Variants in MAN2A1 observed in about 807,000 individuals in gnomAD.
The protein encoded by MAN2A1 is mannosidase alpha class 2A member 1.
In MAN2A1, 76 loss-of-function variants were observed where a neutral mutation model predicts 142.6. The observed-to-expected ratio is 0.53, with a 90% CI of 0.44 to 0.65. The LOEUF (loss-of-function observed/expected upper bound fraction) is 0.65, where lower values mean the gene tolerates loss of function less well. MAN2A1 is among the 30% of genes least tolerant of loss of function. The pLI, the probability that MAN2A1 is intolerant of heterozygous loss-of-function variation, is 0.00. For synonymous variants in MAN2A1, 559 were observed against 473.2 expected (o/e 1.18, Z -2.35); for missense variants, 1,311 against 1,365.1 (o/e 0.96, Z 0.62).
chr5:109,782,462 G>C (rs866971713), intron 9 of MAN2A1, among the ~76,000 whole-genome samples: 1 of 152,116 alleles, frequency 6.6e-6, no homozygotes, highest in Non-Finnish European at 1.5e-5. Context: ...ACTAACGGAG[G>C]CTGGTTGTTG....
At chr5:109,814,480 C>G (rs1208357472) in intron 12 of MAN2A1, among the ~76,000 whole-genome samples, 1 of 152,140 alleles carries the variant, frequency 6.6e-6, no homozygotes, top group Non-Finnish European at 1.5e-5. Context: ...GTTCGTGTGT[C>G]AGATAAATTT....
intron 8 of MAN2A1, among the ~76,000 whole-genome samples, chr5:109,777,392 T>C (rs555238221): frequency 8.5e-5 from 13 of 152,188 alleles, no homozygotes; most frequent in Admixed American, 5.9e-4. Context: ...TTTAAGTCTT[T>C]TGATGATTTT....
intron 1 of MAN2A1, among the ~76,000 whole-genome samples, chr5:109,704,617 C>CA (rs758854907): frequency 2.6e-5 from 4 of 152,122 alleles, no homozygotes; most frequent in Non-Finnish European, 4.4e-5. Flanking sequence ...GGTTACCTGT[C>CA]ATTTTATCAA....
chr5:109,822,717 A>G (rs1026049561), intron 15 of MAN2A1, among the ~76,000 whole-genome samples: 3 of 151,884 alleles, frequency 2.0e-5, no homozygotes, highest in Non-Finnish European at 4.4e-5. Context: ...TTGCACTTTC[A>G]CCCAGGCTGG....
At chr5:109,782,213 A>G (rs1263490409) in intron 9 of MAN2A1, among the ~76,000 whole-genome samples, 1 of 152,316 alleles carries the variant, frequency 6.6e-6, no homozygotes, top group South Asian at 2.1e-4. Flanking sequence ...GGATACAGAG[A>G]AGACAGAAAA....
intron 17 of MAN2A1, among the ~76,000 whole-genome samples, chr5:109,843,532 G>A (rs1476773183): frequency 4.6e-5 from 7 of 152,142 alleles, no homozygotes; most frequent in Non-Finnish European, 1.0e-4. Flanking sequence ...TTGGTTTAAT[G>A]TATGATCTAA....
chr5:109,836,038 CAT>C (rs1377495582), intron 16 of MAN2A1, among the ~76,000 whole-genome samples: 3 of 152,046 alleles, frequency 2.0e-5, no homozygotes, highest in African/African-American at 7.2e-5. Context: ...TCTTTTACCT[CAT>C]ATTTCAGGCA....
chr5:109,835,529 C>G (rs942637074), intron 16 of MAN2A1, among the ~76,000 whole-genome samples: 4 of 152,106 alleles, frequency 2.6e-5, no homozygotes, highest in Non-Finnish European at 5.9e-5. Flanking sequence ...CTTAAATATG[C>G]CGCTTAGGAT....
At chr5:109,817,834 T>C (rs1030347941) in intron 13 of MAN2A1, among the ~76,000 whole-genome samples, 2 of 152,162 alleles carry the variant, frequency 1.3e-5, no homozygotes, top group Admixed American at 6.5e-5. Flanking sequence ...TTAGTAACTT[T>C]GGATAGTTTT....
chr5:109,766,974 A>G (rs1440741822), intron 5 of MAN2A1, among the ~76,000 whole-genome samples: 1 of 152,196 alleles, frequency 6.6e-6, no homozygotes, highest in East Asian at 1.9e-4. Context: ...CACCAGCATC[A>G]TAATGACTTA....
At chr5:109,723,908 GCA>G (rs1018579657) in intron 3 of MAN2A1, among the ~76,000 whole-genome samples, 4 of 151,554 alleles carry the variant, frequency 2.6e-5, no homozygotes, top group Admixed American at 2.6e-4. Flanking sequence ...TATTTCCATG[GCA>G]TTTTATTCAT....
intron 12 of MAN2A1, among the ~76,000 whole-genome samples, chr5:109,796,655 G>A (rs1001794138): frequency 2.6e-5 from 4 of 152,162 alleles, no homozygotes; most frequent in African/African-American, 9.7e-5. Context: ...GGTGGCATGG[G>A]CAAGAATACT....
chr5:109,855,392 G>T (rs1580320345), intron 20 of MAN2A1, 58 bp downstream of exon 20: 2 of 1,149,626 alleles, frequency 1.7e-6, no homozygotes. Context: ...TTGTTTTAAG[G>T]GGGTAAGGAA....
intron 6 of MAN2A1, among the ~76,000 whole-genome samples, chr5:109,768,638 C>G (rs1253014342): frequency 6.6e-6 from 1 of 152,130 alleles, no homozygotes. Context: ...CTTGTGTAAT[C>G]TAGACCCCTT....
At chr5:109,861,894 G>C (rs1013119538) in intron 20 of MAN2A1, among the ~76,000 whole-genome samples, 1 of 152,184 alleles carries the variant, frequency 6.6e-6, no homozygotes, top group Admixed American at 6.5e-5. Context: ...GGCTAATCCA[G>C]GATCACTGGT....
intron 16 of MAN2A1, among the ~76,000 whole-genome samples, chr5:109,830,485 C>G (rs896386031): frequency 6.6e-6 from 1 of 152,198 alleles, no homozygotes; most frequent in Non-Finnish European, 1.5e-5. Flanking sequence ...TTAAATTCAT[C>G]TTCTAAGAAT....
At chr5:109,810,250 C>A (rs534294861) in intron 12 of MAN2A1, among the ~76,000 whole-genome samples, 1 of 151,890 alleles carries the variant, frequency 6.6e-6, no homozygotes, top group Non-Finnish European at 1.5e-5. Flanking sequence ...TTTGTGATGC[C>A]TCTTAATTTC....
chr5:109,776,855 T>G (rs1753306818), intron 8 of MAN2A1, among the ~76,000 whole-genome samples: 1 of 152,184 alleles, frequency 6.6e-6, no homozygotes, highest in African/African-American at 2.4e-5. Context: ...ACATGTACTT[T>G]GTGTCTGGCT....
Position 109,812,306 on chromosome 5 carries a change from A to G in MAN2A1, c.1944-4967A>G, listed in dbSNP as rs560522833. The stretch of plus-strand genomic sequence containing the variant: ...TTGAATGTGTCTGACTCAAGAGCCC[A>G]GGAATCACACAATTGTGATTTTTGA... On this transcript the variant is annotated intron_variant, in intron 12 of 21. Coordinates refer to ENST00000261483, the MANE Select transcript of MAN2A1 (RefSeq NM_002372.4). 8.5e-5 allele frequency among the ~76,000 whole-genome samples: 13 copies of G among 152,288 alleles called. No individual in the cohort carries two copies. The East Asian group carries it at 2.5e-3, about 29-fold the overall frequency.
Sources: allele counts gnomAD v4.1 joint callset (sites outside exome capture counted in the v4.1 genomes callset), GRCh38; gene constraint gnomAD v4.1.1; transcripts MANE v1.5; gene names NCBI Gene and HGNC (gene_info 2026-07-23, HGNC 2026-07-21).